Variants in ME3 observed in about 807,000 individuals in gnomAD.
ME3 encodes the protein NADP-dependent malic enzyme, mitochondrial.
In ME3, 48 loss-of-function variants were observed where a neutral mutation model predicts 68.9. The ratio of observed to expected loss-of-function variants is 0.70; its 90% CI spans 0.55 to 0.89. The LOEUF is 0.89. ME3 is among the 40% of genes least tolerant of loss of function. The probability of loss-of-function intolerance (pLI) is 0.00; values close to 1 mark genes in which losing one functional copy is unlikely to be tolerated. For synonymous variants in ME3, 320 were observed against 318.8 expected, an observed-to-expected ratio of 1.00 and a Z score of -0.04; for missense variants, 675 against 797.4, an observed-to-expected ratio of 0.85 and a Z score of 1.85.
chr11:86,652,185 G>T (rs1405118276), intron 2 of ME3, among the ~76,000 whole-genome samples: 1 of 152,176 alleles, frequency 6.6e-6, no homozygotes, highest in Non-Finnish European at 1.5e-5. Context: ...ATATTATCCA[G>T]GAGAACTTCC....
chr11:86,502,471 G>A (rs1203292828), intron 5 of ME3, among the ~76,000 whole-genome samples: 1 of 152,200 alleles, frequency 6.6e-6, no homozygotes, highest in Non-Finnish European at 1.5e-5. Flanking sequence ...CACAAATGGT[G>A]GGCAATGTGA....
intron 2 of ME3, among the ~76,000 whole-genome samples, chr11:86,648,869 C>T (rs1466373518): frequency 1.3e-5 from 2 of 152,168 alleles, no homozygotes. Flanking sequence ...GGCGGATTCA[C>T]AGCCAAATTC....
intron 6 of ME3, among the ~76,000 whole-genome samples, chr11:86,493,650 C>T (rs1222450106): frequency 6.6e-6 from 1 of 152,232 alleles, no homozygotes; most frequent in Non-Finnish European, 1.5e-5. Context: ...GCTCCCTTCC[C>T]CTACCCACTT....
chr11:86,562,608 T>C (rs1394658859), intron 2 of ME3, among the ~76,000 whole-genome samples: 1 of 152,196 alleles, frequency 6.6e-6, no homozygotes, highest in Non-Finnish European at 1.5e-5. Flanking sequence ...GATATGTCAT[T>C]ATTGCTTTAA....
intron 10 of ME3, among the ~76,000 whole-genome samples, chr11:86,449,548 G>T (rs1253453492): frequency 6.6e-6 from 1 of 152,212 alleles, no homozygotes; most frequent in Non-Finnish European, 1.5e-5. Flanking sequence ...TGGAAAAACA[G>T]AGGAGAGCAA....
intron 6 of ME3, among the ~76,000 whole-genome samples, chr11:86,495,185 A>G (rs114123365): frequency 0.014 from 2,131 of 152,082 alleles, 54 homozygotes; most frequent in African/African-American, 0.048. Context: ...GGCAAATAAA[A>G]CTCTCTGGGC....
intron 2 of ME3, among the ~76,000 whole-genome samples, chr11:86,654,363 C>G (rs950930136): frequency 5.3e-5 from 8 of 152,182 alleles, no homozygotes; most frequent in African/African-American, 1.2e-4. Flanking sequence ...TACTGGCAAA[C>G]TGAATCCAGC....
chr11:86,450,010 G>A lies in ME3; in HGVS notation c.1018-8C>T, dbSNP rs1291149229. ...GGCAATGCCCATAGCTGCCTGGAAG[G>A]TACCATAGGGTAGATGTTCAGACAC... is the stretch of plus-strand genomic sequence containing the variant. On this transcript the variant is annotated splice_region_variant and splice_polypyrimidine_tract_variant and intron_variant, in intron 9 of 14. Transcript: ENST00000543262. The A allele has an allele frequency of 1.3e-6, 2 of 1,586,056 alleles. No homozygotes were observed. The highest frequency in any genetic ancestry group is 1.7e-6 in the Non-Finnish European group (2 of 1,158,898).
chr11:86,560,748 G>GTATGTGTATATATATATATATATA (rs1957184106), intron 2 of ME3, among the ~76,000 whole-genome samples: 6 of 62,526 alleles, frequency 9.6e-5, no homozygotes, highest in African/African-American at 1.8e-4. Flanking sequence ...GTGTGTGTGT[G>GTATGTGTATATATATATATATATA]TATATATATA....
chr11:86,650,197 A>G (rs1169843932), intron 2 of ME3, among the ~76,000 whole-genome samples: 1 of 152,222 alleles, frequency 6.6e-6, no homozygotes, highest in Non-Finnish European at 1.5e-5. Context: ...GACAAAAACA[A>G]GCAATGGGGA....
intron 2 of ME3, among the ~76,000 whole-genome samples, chr11:86,648,627 A>T (rs1036442333): frequency 1.1e-4 from 17 of 152,158 alleles, no homozygotes; most frequent in Admixed American, 2.6e-4. Context: ...TCTAATAGAC[A>T]TAATAAAAAA....
In ME3 at chr11:86,624,624, A is replaced by G. The variant is rs371116916; in HGVS notation, c.183+47138T>C. On this transcript the variant is annotated intron_variant, in intron 2 of 14. Transcript: ENST00000543262. Reference sequence around the variant, plus strand: ...GATTTTGTTGCTTTAAAAATAGCCTATGTGGAAAACTTAGCTGATTACATT... The same window carrying G: ...GATTTTGTTGCTTTAAAAATAGCCTGTGTGGAAAACTTAGCTGATTACATT... Among the ~76,000 whole-genome samples, 85 of 152,332 alleles carry G rather than the reference A, an allele frequency of 5.6e-4. 2 individuals are homozygous for G. The South Asian group carries it at 0.017, about 30-fold the overall frequency.
intron 4 of ME3, among the ~76,000 whole-genome samples, chr11:86,545,029 C>T (rs964675736): frequency 6.6e-6 from 1 of 152,190 alleles, no homozygotes; most frequent in African/African-American, 2.4e-5. Flanking sequence ...ATATGCAAAT[C>T]AATAAACGTA....
At chr11:86,550,113 G>C (rs915087890) in intron 4 of ME3, among the ~76,000 whole-genome samples, 2 of 152,092 alleles carry the variant, frequency 1.3e-5, no homozygotes, top group African/African-American at 4.8e-5. Context: ...TCCACTTCAG[G>C]GATTCTGATT....
At chr11:86,657,181 C>A (rs1344429939) in intron 2 of ME3, among the ~76,000 whole-genome samples, 1 of 152,094 alleles carries the variant, frequency 6.6e-6, no homozygotes, top group East Asian at 1.9e-4. Flanking sequence ...ATGTTTATTG[C>A]AGCACTATTC....
At chr11:86,437,067 C>G (rs1258728096), downstream of ME3, 2 of 152,130 alleles carry the variant, frequency 1.3e-5, no homozygotes, top group Non-Finnish European at 2.9e-5. Context: ...TTATCCCTCA[C>G]TCTTCTTCCA....
intron 2 of ME3, among the ~76,000 whole-genome samples, chr11:86,641,646 C>A (rs1944679715): frequency 6.6e-6 from 1 of 152,154 alleles, no homozygotes; most frequent in African/African-American, 2.4e-5. Flanking sequence ...TGGTGTAAAA[C>A]CAAAGATCTT....
At chr11:86,655,380 G>T (rs947813095) in intron 2 of ME3, among the ~76,000 whole-genome samples, 8 of 152,096 alleles carry the variant, frequency 5.3e-5, no homozygotes, top group African/African-American at 1.9e-4. Flanking sequence ...AAACAGCATG[G>T]TACTGGTACC....
intron 5 of ME3, among the ~76,000 whole-genome samples, chr11:86,505,132 G>C (rs970543803): frequency 2.6e-5 from 4 of 152,158 alleles, no homozygotes; most frequent in African/African-American, 9.7e-5. Flanking sequence ...AGAATGATGA[G>C]CAGAGACTCC....
Sources: allele counts gnomAD v4.1 joint callset (sites outside exome capture counted in the v4.1 genomes callset), GRCh38; gene constraint gnomAD v4.1.1; transcripts MANE v1.5; gene names NCBI Gene and HGNC (gene_info 2026-07-23, HGNC 2026-07-21).